Variants in RAD54B observed in about 807,000 individuals in gnomAD.
RAD54B encodes RAD54 homolog B.
In RAD54B, 78 loss-of-function variants were observed where a neutral mutation model predicts 95.8. The ratio of observed to expected loss-of-function variants is 0.81; its 90% CI spans 0.68 to 0.98. The LOEUF (loss-of-function observed/expected upper bound fraction) is 0.98. Among genes scored for constraint, RAD54B ranks in the 50% least tolerant of loss-of-function variants. The probability of loss-of-function intolerance (pLI) is 0.00; values close to 1 mark genes in which losing one functional copy is unlikely to be tolerated. For missense variants in RAD54B, 957 were observed against 1,056.6 expected, an observed-to-expected ratio of 0.91 and a Z score of 1.31; for synonymous variants, 328 against 354.9, an observed-to-expected ratio of 0.92 and a Z score of 0.85.
At position 94,436,458 on chromosome 8, in the gene RAD54B, G is replaced by A. The variant is rs188945747; in HGVS notation, c.304+21810C>T. 1.6e-5 allele frequency: 24 copies of A among 1,491,468 alleles called. No homozygotes were observed. The Admixed American group carries it at 3.8e-4, about 24-fold the overall frequency. 92.4% of individuals were successfully genotyped at this position (1,491,468 alleles called of 1,614,324 possible). On this transcript the variant is annotated intron_variant, in intron 3 of 14. Coordinates refer to ENST00000336148, the MANE Select transcript of RAD54B (RefSeq NM_012415.3). ...AGCCAAAGCCCAATAGATAGGAGGCGCCATAATTTTCCATAACAAAACAAA... is the reference window on the plus strand; with the variant it reads ...AGCCAAAGCCCAATAGATAGGAGGCACCATAATTTTCCATAACAAAACAAA...
At chr8:94,434,852 T>G (rs1186753719) in intron 3 of RAD54B, among the ~76,000 whole-genome samples, 3 of 151,462 alleles carry the variant, frequency 2.0e-5, no homozygotes, top group African/African-American at 7.3e-5. Context: ...ACAAATCAAC[T>G]CATTTTTATC....
intron 14 of RAD54B, among the ~76,000 whole-genome samples, chr8:94,377,591 C>T (rs895719582): frequency 1.5e-5 from 2 of 137,622 alleles, no homozygotes; most frequent in East Asian, 2.3e-4. Context: ...ACTCTAACTC[C>T]AAAGCCATTA....
chr8:94,474,442 T>C (rs1813245198), intron 1 of RAD54B, among the ~76,000 whole-genome samples: 1 of 152,224 alleles, frequency 6.6e-6, no homozygotes, highest in African/African-American at 2.4e-5. Context: ...GTGTTTTAAA[T>C]CCATTTTCCA....
intron 2 of RAD54B, among the ~76,000 whole-genome samples, chr8:94,461,092 G>C (rs1728954110): frequency 6.7e-6 from 1 of 148,982 alleles, no homozygotes; most frequent in Non-Finnish European, 1.5e-5. Flanking sequence ...AGTAGTAAAT[G>C]GTTGAATTTT....
At position 94,378,316 on chromosome 8, in the gene RAD54B, G is replaced by C. The variant is rs1195693495; in HGVS notation, c.2379C>G (p.Val793=). 7 of 1,613,686 alleles carry C rather than the reference G, an allele frequency of 4.3e-6. No individual in the cohort carries two copies. Among genetic ancestry groups the C allele is most frequent in the Admixed American group, 3.3e-5 (2 of 59,974 alleles). The change falls in exon 14 of 15, where the codon GTC becomes GTG. Residue 793 remains valine (V), a synonymous_variant. Coordinates refer to ENST00000336148, the MANE Select transcript of RAD54B (RefSeq NM_012415.3). ...ISKQGLCGAV[V]DLTKTSEHIQ... is the part of the protein sequence containing the mutation. The stretch of plus-strand genomic sequence containing the variant: ...TATGTTCAGATGTCTTGGTGAGGTC[G>C]ACAACTGCCCCACAAAGACCTTGCT...
intron 3 of RAD54B, among the ~76,000 whole-genome samples, chr8:94,434,448 T>C (rs1434054330): frequency 6.6e-6 from 1 of 151,856 alleles, no homozygotes; most frequent in Admixed American, 6.6e-5. Flanking sequence ...TAAACTGATA[T>C]TAGGAAGAGG....
chr8:94,377,271 C>T (rs949576661), intron 14 of RAD54B, among the ~76,000 whole-genome samples: 1 of 152,060 alleles, frequency 6.6e-6, no homozygotes, highest in East Asian at 1.9e-4. Flanking sequence ...TGCGGTGGCT[C>T]ACACCTGTAA....
intron 3 of RAD54B, among the ~76,000 whole-genome samples, chr8:94,443,320 G>C (rs1220118583): frequency 6.6e-6 from 1 of 152,030 alleles, no homozygotes; most frequent in Non-Finnish European, 1.5e-5. Flanking sequence ...GGGCCTATAG[G>C]GATGGTCAGG....
rs1262700000 is a variant in RAD54B at position 94,393,889 on chromosome 8, A to G, written c.1379-7T>C. The G allele has an allele frequency of 1.3e-6, 2 of 1,578,012 alleles. No individual in the cohort carries two copies. Among genetic ancestry groups the G allele is most frequent in the Admixed American group, 2.0e-5 (1 of 50,466 alleles). The stretch of plus-strand genomic sequence containing the variant: ...TCATTCTGAATTGGAGTACCTAAAG[A>G]GAGACAAAAATGAGTAAAAGGTCAA... On this transcript the variant is annotated splice_polypyrimidine_tract_variant and splice_region_variant and intron_variant, in intron 8 of 14. Coordinates refer to ENST00000336148, the MANE Select transcript of RAD54B (RefSeq NM_012415.3).
At chr8:94,407,351 T>C (rs1185804733) in intron 5 of RAD54B, 88 bp downstream of exon 5, 1 of 1,358,992 alleles carries the variant, frequency 7.4e-7, no homozygotes, top group Middle Eastern at 2.5e-4. Flanking sequence ...ACCTAAAACT[T>C]TTAAAACAAA....
At chr8:94,436,513 T>C (rs745764526) in intron 3 of RAD54B, 1 of 1,549,126 alleles carries the variant, frequency 6.5e-7, no homozygotes. Flanking sequence ...GTGGTTCCTG[T>C]CTCTTACCAG....
chr8:94,383,455 T>G (rs1810791898), intron 11 of RAD54B, among the ~76,000 whole-genome samples: 1 of 152,206 alleles, frequency 6.6e-6, no homozygotes, highest in African/African-American at 2.4e-5. Context: ...TTCCACTGTT[T>G]CAGTTACCTG....
chr8:94,390,793 T>C (rs1179023302), intron 10 of RAD54B, among the ~76,000 whole-genome samples: 1 of 151,920 alleles, frequency 6.6e-6, no homozygotes, highest in Non-Finnish European at 1.5e-5. Flanking sequence ...AGATTTCAGA[T>C]TTTTTCAGAT....
intron 3 of RAD54B, among the ~76,000 whole-genome samples, chr8:94,454,303 T>G (rs1812733606): frequency 6.6e-6 from 1 of 152,136 alleles, no homozygotes; most frequent in Non-Finnish European, 1.5e-5. Context: ...ATTTAATTGA[T>G]CTGGGGTTTC....
At chr8:94,428,720 A>G in intron 3 of RAD54B, 1 of 974,820 alleles carries the variant, frequency 1.0e-6, no homozygotes, top group South Asian at 4.8e-5. Context: ...ACCTGCAGAT[A>G]GAAAGCCAAG....
chr8:94,428,916 A>G, intron 3 of RAD54B: 6 of 985,144 alleles, frequency 6.1e-6, no homozygotes, highest in Non-Finnish European at 6.0e-6. Context: ...GATAATAAAC[A>G]GCCTCGGAAA....
intron 11 of RAD54B, among the ~76,000 whole-genome samples, chr8:94,381,437 A>T (rs947885338): frequency 1.3e-5 from 2 of 152,220 alleles, no homozygotes; most frequent in Non-Finnish European, 2.9e-5. Flanking sequence ...GACACCAGGG[A>T]ACACCAGCTA....
chr8:94,458,517 A>G (rs1016950065), intron 2 of RAD54B, 81 bp from the exon 3 acceptor site: 6 of 1,081,406 alleles, frequency 5.5e-6, no homozygotes, highest in Non-Finnish European at 7.7e-6. Context: ...AAAAGATTCT[A>G]ATTTAAAACA....
At chr8:94,376,311 GAAGAAATC>G (rs1810570338) in intron 14 of RAD54B, among the ~76,000 whole-genome samples, 1 of 151,906 alleles carries the variant, frequency 6.6e-6, no homozygotes, top group South Asian at 2.1e-4. Flanking sequence ...ATGAGACAAA[GAAGAAATC>G]ATAATGAAAA....
Sources: allele counts gnomAD v4.1 joint callset (sites outside exome capture counted in the v4.1 genomes callset), GRCh38; gene constraint gnomAD v4.1.1; transcripts MANE v1.5; gene names NCBI Gene and HGNC (gene_info 2026-07-23, HGNC 2026-07-21).